The following NCR3LG1 variants were observed in gnomAD, a reference collection of about 807,000 sequenced individuals.
The protein encoded by NCR3LG1 is natural killer cell cytotoxicity receptor 3 ligand 1.
Under a neutral mutation model 34.8 loss-of-function variants are expected in NCR3LG1, and 35 were observed. The observed-to-expected ratio is 1.01, with a 90% CI of 0.77 to 1.33. The LOEUF is 1.33. Ranked by LOEUF, NCR3LG1 falls within the 40% of genes most tolerant of loss-of-function variation. The probability of loss-of-function intolerance (pLI) is 0.00; values close to 1 mark genes in which losing one functional copy is unlikely to be tolerated. For synonymous variants in NCR3LG1, 173 were observed against 163.6 expected (o/e 1.06, Z -0.44); for missense variants, 452 against 423.3 (o/e 1.07, Z -0.60).
rs1835602352 is a variant in NCR3LG1, at chr11:17,375,186, T to TA, written c.*2675dup. 2 of 152,236 alleles carry TA rather than the reference T, an allele frequency of 1.3e-5. No individual in the cohort carries two copies. Among genetic ancestry groups the TA allele is most frequent in the African/African-American group, 4.8e-5 (2 of 41,458 alleles). 9.4% of individuals were successfully genotyped at this position (152,236 alleles called of 1,614,324 possible). On this transcript the variant is annotated 3_prime_UTR_variant, in exon 5 of 5. Transcript: ENST00000338965. Reference sequence around the variant, plus strand: ...CTCCTCAAGTATCAGACTTTGCTGCTAGAGGAATCTGCAGTCCAGTTAAAA... The same window carrying TA: ...CTCCTCAAGTATCAGACTTTGCTGCTAAGAGGAATCTGCAGTCCAGTTAAAA...
chr11:17,359,727 G>A (rs1164949993), intron 2 of NCR3LG1, among the ~76,000 whole-genome samples: 1 of 151,900 alleles, frequency 6.6e-6, no homozygotes, highest in Non-Finnish European at 1.5e-5. Context: ...GGCCAGGCTG[G>A]TCTTGAACTC....
downstream of NCR3LG1, among the ~76,000 whole-genome samples, chr11:17,379,414 A>G (rs1167439279): frequency 6.6e-6 from 1 of 152,230 alleles, no homozygotes; most frequent in Non-Finnish European, 1.5e-5. Flanking sequence ...ATTGCTGTGT[A>G]ACTTTGTAGT....
chr11:17,353,795 C>A (rs1369523904), intron 1 of NCR3LG1, among the ~76,000 whole-genome samples: 1 of 152,214 alleles, frequency 6.6e-6, no homozygotes, highest in Non-Finnish European at 1.5e-5. Context: ...GCATGAGGGT[C>A]GGACCCCAGA....
In NCR3LG1 at chr11:17,356,637, T is replaced by G; in HGVS notation, c.71-14T>G. On this transcript the variant is annotated splice_polypyrimidine_tract_variant and intron_variant, in intron 1 of 4. Coordinates refer to ENST00000338965, the MANE Select transcript of NCR3LG1 (RefSeq NM_001202439.3). Reference sequence around the variant, plus strand: ...CATTGGTAAACTGAACATTGTGTCCTCTTATTGCCACAGGTGATCTGAAAG... The same window carrying G: ...CATTGGTAAACTGAACATTGTGTCCGCTTATTGCCACAGGTGATCTGAAAG... The G allele has an allele frequency of 6.7e-7, 1 of 1,503,642 alleles. No individual in the cohort carries two copies. Among genetic ancestry groups the G allele is most frequent in the Non-Finnish European group, 8.9e-7 (1 of 1,122,568 alleles). 93.1% of individuals were successfully genotyped at this position (1,503,642 alleles called of 1,614,324 possible).
In NCR3LG1 at chr11:17,356,915, T is replaced by C; in HGVS notation, c.335T>C (p.Ile112Thr). 1 of 1,536,060 alleles carries C rather than the reference T, an allele frequency of 6.5e-7. No homozygotes were observed. Among genetic ancestry groups the C allele is most frequent in the South Asian group, 1.2e-5 (1 of 84,052 alleles). Residue 112 changes from isoleucine (I) to threonine (T), a missense_variant, in exon 2 of 5, where the codon ATC becomes ACC. Transcript: ENST00000338965. ...SGDASLRLPG[I>T]QLEEAGEYRC... ...GACGCCTCACTGCGGCTGCCTGGAA[T>C]CCAGCTGGAGGAAGCAGGAGAGTAC...
chr11:17,353,115 C>G (rs749346872), intron 1 of NCR3LG1, among the ~76,000 whole-genome samples: 3 of 152,152 alleles, frequency 2.0e-5, no homozygotes, highest in Non-Finnish European at 2.9e-5. Flanking sequence ...TGCTGCTTGC[C>G]GAGCAGCGTG....
chr11:17,369,532 T>C (rs1308602804), intron 4 of NCR3LG1, among the ~76,000 whole-genome samples: 4 of 152,208 alleles, frequency 2.6e-5, no homozygotes, highest in Admixed American at 2.6e-4. Context: ...AAGAGACCTA[T>C]GTAAATGTGT....
At chr11:17,364,696 G>A (rs1163799947) in intron 2 of NCR3LG1, among the ~76,000 whole-genome samples, 1 of 151,908 alleles carries the variant, frequency 6.6e-6, no homozygotes, top group African/African-American at 2.4e-5. Context: ...ACAGGCATGC[G>A]CCACCACCCC....
At chr11:17,366,278 G>A (rs1194533720) in intron 2 of NCR3LG1, among the ~76,000 whole-genome samples, 2 of 152,146 alleles carry the variant, frequency 1.3e-5, no homozygotes, top group Admixed American at 6.5e-5. Context: ...TCCATCTCCA[G>A]TCATCACATA....
In NCR3LG1 at chr11:17,367,359, T is replaced by C; in HGVS notation, c.760+12T>C. 1 of 1,518,472 alleles carries C rather than the reference T, an allele frequency of 6.6e-7. No individual in the cohort carries two copies. Among genetic ancestry groups the C allele is most frequent in the Non-Finnish European group, 8.8e-7 (1 of 1,135,054 alleles). The allele number at this position is 1,518,472 out of a possible 1,614,324, so 94.1% of individuals were successfully genotyped here. A position where few individuals can be genotyped will look rare whatever the true frequency, so the allele number is the denominator to read the frequency against. ...GCACAGTCTTTCTGGTAAGGGTCTT[T>C]CTGGACATTTCTTCTCTTCCTTGCC... is the stretch of plus-strand genomic sequence containing the variant. On this transcript the variant is annotated intron_variant, in intron 3 of 4. Coordinates refer to ENST00000338965, the MANE Select transcript of NCR3LG1 (RefSeq NM_001202439.3).
intron 4 of NCR3LG1, 85 bp from the exon 5 acceptor site, chr11:17,371,921 G>A (rs770628103): frequency 2.6e-5 from 16 of 614,968 alleles, no homozygotes; most frequent in South Asian, 7.8e-5. Flanking sequence ...GAAGGGGGAC[G>A]CCCCTTCCAT....
At chr11:17,371,811 A>G (rs959808381) in intron 4 of NCR3LG1, among the ~76,000 whole-genome samples, 195 bp from the exon 5 acceptor site, 7 of 152,076 alleles carry the variant, frequency 4.6e-5, no homozygotes, top group Non-Finnish European at 8.8e-5. Context: ...AGGTGAGCAC[A>G]AGCTAGCTCC....
intron 3 of NCR3LG1, among the ~76,000 whole-genome samples, chr11:17,367,700 G>A (rs777747750): frequency 3.9e-5 from 6 of 152,146 alleles, no homozygotes; most frequent in South Asian, 4.1e-4. Context: ...TATCCTACCC[G>A]TGTTCCCTGA....
Position 17,356,641 on chromosome 11 carries a change from A to G in NCR3LG1, c.71-10A>G. ...GGTAAACTGAACATTGTGTCCTCTTATTGCCACAGGTGATCTGAAAGTAGA... is the reference window on the plus strand; with the variant it reads ...GGTAAACTGAACATTGTGTCCTCTTGTTGCCACAGGTGATCTGAAAGTAGA... On this transcript the variant is annotated splice_polypyrimidine_tract_variant and intron_variant, in intron 1 of 4. Transcript: ENST00000338965. 6 of 1,513,010 alleles carry G rather than the reference A, an allele frequency of 4.0e-6. No homozygotes were observed. Among genetic ancestry groups the G allele is most frequent in the Non-Finnish European group, 5.3e-6 (6 of 1,130,040 alleles). The allele number at this position is 1,513,010 out of a possible 1,614,324, so 93.7% of individuals were successfully genotyped here.
Position 17,372,674 on chromosome 11 carries a change from A to G in NCR3LG1, c.*162A>G. On this transcript the variant is annotated 3_prime_UTR_variant, in exon 5 of 5. Coordinates refer to ENST00000338965, the MANE Select transcript of NCR3LG1 (RefSeq NM_001202439.3). ...GTTTGACCTTACTTGGGGTGATGTTATGTTGCTCTTAAACTCTTAACTACT... is the reference window on the plus strand; with the variant it reads ...GTTTGACCTTACTTGGGGTGATGTTGTGTTGCTCTTAAACTCTTAACTACT... 1.8e-6 allele frequency: 1 copy of G among 570,090 alleles called. No individual in the cohort carries two copies. Among genetic ancestry groups the G allele is most frequent in the South Asian group, 2.5e-5 (1 of 40,000 alleles). The allele number at this position is 570,090 out of a possible 1,614,324, so 35.3% of individuals were successfully genotyped here.
At chr11:17,379,457 TAAG>T (rs1176402800), downstream of NCR3LG1, among the ~76,000 whole-genome samples, 6 of 152,312 alleles carry the variant, frequency 3.9e-5, no homozygotes, top group Admixed American at 1.3e-4. Flanking sequence ...TCAGCCAACT[TAAG>T]AAGACAGCAG....
intron 1 of NCR3LG1, among the ~76,000 whole-genome samples, chr11:17,356,136 C>CTT (rs71457872): frequency 3.0e-4 from 31 of 104,556 alleles, no homozygotes; most frequent in Non-Finnish European, 4.3e-4. Context: ...TTCTTTCTTT[C>CTT]TTTTTTTTTT....
intron 2 of NCR3LG1, among the ~76,000 whole-genome samples, chr11:17,359,615 G>A (rs546803536): frequency 1.0e-3 from 158 of 151,012 alleles, no homozygotes; most frequent in African/African-American, 3.5e-3. Context: ...AGGTTTAAGC[G>A]ATTCTCCTGC....
At chr11:17,356,124 TTTTC>T (rs1262592876) in intron 1 of NCR3LG1, among the ~76,000 whole-genome samples, 2 of 146,992 alleles carry the variant, frequency 1.4e-5, no homozygotes, top group Non-Finnish European at 3.0e-5. Context: ...TTTTCTTTTC[TTTTC>T]TTTCTTTCTT....
Sources: gnomAD v4.1 joint callset for allele counts (sites outside exome capture counted in the v4.1 genomes callset) on GRCh38, gnomAD v4.1.1 for gene constraint, MANE v1.5 for transcripts, NCBI Gene and HGNC (gene_info 2026-07-23, HGNC 2026-07-21) for gene names.